PEBP4: variants seen among roughly 807,000 people sequenced by gnomAD.
The protein encoded by PEBP4 is phosphatidylethanolamine-binding protein 4.
PEBP4 carries 22 observed loss-of-function variants against 23.9 expected under a neutral mutation model. That is an observed-to-expected ratio of 0.92 (90% CI 0.66 to 1.31). The LOEUF (loss-of-function observed/expected upper bound fraction) is 1.31. Ranked by LOEUF, PEBP4 falls within the 40% of genes most tolerant of loss-of-function variation. PEBP4 has a pLI of 0.00. For missense variants in PEBP4, 324 were observed against 281.7 expected, an observed-to-expected ratio of 1.15 and a Z score of -1.07; for synonymous variants, 112 against 99.3, an observed-to-expected ratio of 1.13 and a Z score of -0.76.
At chr8:22,935,969 A>G (rs1037602116) in intron 1 of PEBP4, among the ~76,000 whole-genome samples, 2 of 151,956 alleles carry the variant, frequency 1.3e-5, no homozygotes, top group African/African-American at 2.4e-5. Flanking sequence ...ATTAAAAAAG[A>G]AGGAGGATCT....
chr8:22,851,395 A>C (rs1325846600), intron 3 of PEBP4, among the ~76,000 whole-genome samples: 3 of 152,162 alleles, frequency 2.0e-5, no homozygotes, highest in Non-Finnish European at 4.4e-5. Context: ...CCATCAAGGA[A>C]GTGCTTTGGG....
chr8:22,870,590 G>C (rs1298348154), intron 3 of PEBP4, among the ~76,000 whole-genome samples: 3 of 152,184 alleles, frequency 2.0e-5, no homozygotes, highest in African/African-American at 7.2e-5. Flanking sequence ...TGGGCGTTGG[G>C]TGAGAATGAC....
At chr8:22,851,476 C>T (rs952762360) in intron 3 of PEBP4, among the ~76,000 whole-genome samples, 8 of 152,120 alleles carry the variant, frequency 5.3e-5, no homozygotes, top group Non-Finnish European at 1.0e-4. Context: ...CAGAGATCAT[C>T]TGGTATAACC....
intron 3 of PEBP4, chr8:22,886,397 C>A (rs1483912098): frequency 6.6e-6 from 1 of 152,228 alleles, no homozygotes; most frequent in Non-Finnish European, 1.5e-5. Context: ...GCTGTGGGAC[C>A]TTGAAGGCTT....
intron 4 of PEBP4, among the ~76,000 whole-genome samples, chr8:22,785,107 G>A (rs1399750976): frequency 6.6e-6 from 1 of 152,188 alleles, no homozygotes; most frequent in Non-Finnish European, 1.5e-5. Flanking sequence ...CCTAGATGCT[G>A]CTCCCGTGGC....
chr8:22,939,354 G>A (rs1218113377), intron 1 of PEBP4, among the ~76,000 whole-genome samples: 4 of 152,014 alleles, frequency 2.6e-5, no homozygotes, highest in African/African-American at 7.2e-5. Context: ...GTTAAAAGAA[G>A]CCCTTCAATG....
intron 4 of PEBP4, among the ~76,000 whole-genome samples, chr8:22,760,973 C>T (rs1344123062): frequency 1.3e-5 from 2 of 152,194 alleles, no homozygotes; most frequent in African/African-American, 4.8e-5. Context: ...TTAGTCCTCT[C>T]TTGCACCTTG....
At chr8:22,744,991 C>G (rs527495387) in intron 4 of PEBP4, among the ~76,000 whole-genome samples, 2 of 152,152 alleles carry the variant, frequency 1.3e-5, no homozygotes, top group East Asian at 1.9e-4. Context: ...TGTCCTGGCC[C>G]GTGATCTAAG....
Position 22,927,625 on chromosome 8 carries a change from A to C in PEBP4, c.90T>G (p.Cys30Trp), listed in dbSNP as rs1293054867. Reference sequence around the variant, plus strand: ...CCTCGTCCAAGAGGGCCTCATGGGCACACGGGCTGTTCTCATCCTCGTCTC... The same window carrying C: ...CCTCGTCCAAGAGGGCCTCATGGGCCCACGGGCTGTTCTCATCCTCGTCTC... The part of the protein sequence containing the change: ...VTGDEDENSP[C>W]AHEALLDEDT... The change falls in exon 2 of 7, where the codon TGT (cysteine) becomes TGG (tryptophan). Residue 30 changes from cysteine to tryptophan, a missense_variant. Coordinates refer to ENST00000256404, the MANE Select transcript of PEBP4 (RefSeq NM_144962.3). 6.2e-7 allele frequency: 1 copy of C among 1,613,856 alleles called. No individual in the cohort carries two copies. Among genetic ancestry groups the C allele is most frequent in the South Asian group, 1.1e-5 (1 of 91,022 alleles).
intron 6 of PEBP4, among the ~76,000 whole-genome samples, chr8:22,719,135 T>G (rs925382122): frequency 2.6e-5 from 4 of 152,170 alleles, no homozygotes; most frequent in African/African-American, 7.2e-5. Context: ...GTGCCTGTGG[T>G]GCTAGGGAGC....
chr8:22,852,391 C>T (rs1020546190), intron 3 of PEBP4, among the ~76,000 whole-genome samples: 3 of 152,046 alleles, frequency 2.0e-5, no homozygotes, highest in Admixed American at 2.0e-4. Flanking sequence ...TTGCAGATTC[C>T]GGCACCCTCC....
intron 4 of PEBP4, among the ~76,000 whole-genome samples, chr8:22,774,475 T>C (rs1460251379): frequency 1.3e-5 from 2 of 152,148 alleles, no homozygotes; most frequent in Non-Finnish European, 2.9e-5. Context: ...CAGAGCCCCA[T>C]AGGCAGCTGT....
rs1421661049 is a variant in PEBP4, at chr8:22,783,074, C to T, written c.357+34563G>A. ...CTCCATGCAGAAGCTGCACACCTGG[C>T]TGGGTAGGGCTCCTGAGGTTTGGGT... On this transcript the variant is annotated intron_variant, in intron 4 of 6. Transcript: ENST00000256404. 2.6e-5 allele frequency among the ~76,000 whole-genome samples: 4 copies of T among 152,336 alleles called. No individual in the cohort carries two copies. In the East Asian group the frequency reaches 5.8e-4, roughly 22 times the overall value.
At chr8:22,798,180 C>T (rs1211911779) in intron 4 of PEBP4, among the ~76,000 whole-genome samples, 1 of 152,152 alleles carries the variant, frequency 6.6e-6, no homozygotes. Flanking sequence ...TAGGTGTACT[C>T]ATCATGCTTT....
At chr8:22,914,044 G>A (rs1417143473) in intron 3 of PEBP4, among the ~76,000 whole-genome samples, 3 of 146,214 alleles carry the variant, frequency 2.1e-5, no homozygotes, top group African/African-American at 7.7e-5. Context: ...CTGGAGTATA[G>A]TGGCGCGATC....
At chr8:22,725,999 A>ATGTGTGTGTGTGTG (rs10680983) in intron 5 of PEBP4, among the ~76,000 whole-genome samples, 5,581 of 146,362 alleles carry the variant, frequency 0.038, 134 homozygotes, top group Admixed American at 0.056. Flanking sequence ...GATCAGATAT[A>ATGTGTGTGTGTGTG]TGTGTGTGTG....
At chr8:22,899,199 GCT>G in intron 3 of PEBP4, among the ~76,000 whole-genome samples, 1 of 152,358 alleles carries the variant, frequency 6.6e-6, no homozygotes, top group Non-Finnish European at 1.5e-5. Context: ...TGCCAGCCCA[GCT>G]CTCTGGAGGT....
intron 4 of PEBP4, among the ~76,000 whole-genome samples, chr8:22,763,524 C>A (rs1805553044): frequency 6.6e-6 from 1 of 152,202 alleles, no homozygotes; most frequent in Non-Finnish European, 1.5e-5. Flanking sequence ...CTTCCCGGAT[C>A]TCTGACCTTG....
Position 22,925,028 on chromosome 8 carries a change from G to C in PEBP4, c.131+2556C>G, listed in dbSNP as rs1809294356. On this transcript the variant is annotated intron_variant, in intron 2 of 6. Coordinates refer to ENST00000256404, the MANE Select transcript of PEBP4 (RefSeq NM_144962.3). Reference sequence around the variant, plus strand: ...TCTGGGGGATCTCTTGCCAAGGTCAGAGCCTGAGCCGAGTGGGGATCTTGA... The same window carrying C: ...TCTGGGGGATCTCTTGCCAAGGTCACAGCCTGAGCCGAGTGGGGATCTTGA... The C allele has an allele frequency of 3.0e-6, 3 of 985,250 alleles. No homozygotes were observed. The South Asian group carries it at 1.4e-4, about 46-fold the overall frequency. The allele number at this position is 985,250 out of a possible 1,614,324, so 61.0% of individuals were successfully genotyped here. A position where few individuals can be genotyped will look rare whatever the true frequency, so the allele number is the denominator to read the frequency against.
Sources: allele counts gnomAD v4.1 joint callset (sites outside exome capture counted in the v4.1 genomes callset), GRCh38; gene constraint gnomAD v4.1.1; transcripts MANE v1.5; gene names NCBI Gene and HGNC (gene_info 2026-07-23, HGNC 2026-07-21).